The following ABHD8 variants were observed in gnomAD, a reference collection of about 807,000 sequenced individuals.
ABHD8 encodes the protein protein ABHD8.
A neutral mutation model predicts 29.3 loss-of-function variants in ABHD8; 10 were observed. That is an observed-to-expected ratio of 0.34 (90% CI 0.21 to 0.58). The LOEUF (loss-of-function observed/expected upper bound fraction) is 0.58, where lower values mean the gene tolerates loss of function less well. Among genes scored for constraint, ABHD8 ranks in the 20% least tolerant of loss-of-function variants. ABHD8 has a pLI of 0.85. For synonymous variants in ABHD8, 282 were observed against 274.6 expected, an observed-to-expected ratio of 1.03 and a Z score of -0.27; for missense variants, 556 against 615.3, an observed-to-expected ratio of 0.90 and a Z score of 1.02.
rs375423667 is a variant in ABHD8 at position 17,294,703 on chromosome 19, A to G, written c.904T>C (p.Ser302Pro). ...AGGAAGCTCCAGGCCAGGCAGGGCG[A>G]CAAGCAGTGCAGGACGCAGGTGGGC... The part of the protein sequence containing the change: ...NMPTCVLHCL[S>P]PCLAWSFLKA... Residue 302 changes from serine (S) to proline (P), a missense_variant, in exon 3 of 5, where the codon TCG becomes CCG. Coordinates refer to ENST00000247706, the MANE Select transcript of ABHD8 (RefSeq NM_024527.5). The G allele has an allele frequency of 6.2e-7, 1 of 1,613,986 alleles. No homozygotes were observed. The highest frequency in any genetic ancestry group is 8.5e-7 in the Non-Finnish European group (1 of 1,180,032).
In ABHD8 at chr19:17,301,283, C is replaced by T; in HGVS notation, c.334G>A (p.Glu112Lys). ...DLLHGQNGSG[E>K]PPAALEVELA... ...TCCACCTCCAGGGCGGCCGGCGGCT[C>T]CCCAGAGCCATTCTGCCCGTGTAGG... The change falls in exon 2 of 5, where the codon GAG (glutamate) becomes AAG (lysine). Residue 112 changes from glutamate to lysine, a missense_variant. By Grantham distance (56) the Glu-to-Lys change is moderately conservative (BLOSUM62 1). Around this residue, in one of 2 missense-constraint regions of ABHD8, gnomAD observed 286 missense variants for 261.4 expected, o/e 1.09. Coordinates refer to ENST00000247706, the MANE Select transcript of ABHD8 (RefSeq NM_024527.5). 1 of 1,606,244 alleles carries T rather than the reference C, an allele frequency of 6.2e-7. No individual in the cohort carries two copies. Among genetic ancestry groups the T allele is most frequent in the Non-Finnish European group, 8.5e-7 (1 of 1,179,528 alleles).
In ABHD8 at chr19:17,301,325, C is replaced by A; in HGVS notation, c.292G>T (p.Ala98Ser). The change falls in exon 2 of 5, where the codon GCC (alanine) becomes TCC (serine). Residue 98 changes from alanine to serine, a missense_variant. Physicochemically the swap from Ala to Ser is moderately conservative, Grantham distance 99. Coordinates refer to ENST00000247706, the MANE Select transcript of ABHD8 (RefSeq NM_024527.5). Reference protein sequence around the residue: ...GRLLVENLGRAPRADLLHGQN... With the variant: ...GRLLVENLGRSPRADLLHGQN... ...CCGTGTAGGAGGTCGGCTCGAGGGGCTCGGCCCAGGTTTTCCACCAGCAAC... is the reference window on the plus strand; with the variant it reads ...CCGTGTAGGAGGTCGGCTCGAGGGGATCGGCCCAGGTTTTCCACCAGCAAC... 1 of 1,607,908 alleles carries A rather than the reference C, an allele frequency of 6.2e-7. No homozygotes were observed. The highest frequency in any genetic ancestry group is 1.3e-5 in the African/African-American group (1 of 75,052).
chr19:17,294,292 G>A lies in ABHD8; in HGVS notation c.1145C>T (p.Ala382Val). 6.2e-7 allele frequency: 1 copy of A among 1,603,120 alleles called. No individual in the cohort carries two copies. Among genetic ancestry groups the A allele is most frequent in the Non-Finnish European group, 8.5e-7 (1 of 1,179,254 alleles). The change falls in exon 4 of 5, where the codon GCC becomes GTC. Residue 382 changes from alanine to valine, a missense_variant. This residue lies in a region of ABHD8 where 270 missense variants were observed against 353.9 expected (regional missense o/e 0.76). Transcript: ENST00000247706. ...GCCCCAGGTGCCCGCCTCTACCTCG[G>A]CCATGCGCTGGTCTTCCTCCACCGG... ...FVPVEEDQRMAEILLLAFLKL... is the reference protein window; with the variant it reads ...FVPVEEDQRMVEILLLAFLKL...
intron 2 of ABHD8, chr19:17,297,744 C>CTTTTTTTTTTTTTTTTTCT (rs71334702): frequency 7.7e-6 from 1 of 130,260 alleles, no homozygotes; most frequent in African/African-American, 2.8e-5. Flanking sequence ...GTTTTCTTTT[C>CTTTTTTTTTTTTTTTTTCT]TTTTTTTTTT....
At chr19:17,296,670 A>G (rs1029028837) in intron 2 of ABHD8, 6 of 150,466 alleles carry the variant, frequency 4.0e-5, no homozygotes, top group Admixed American at 4.0e-4. Context: ...ACTTTTGGAG[A>G]TTTGAAAAAT....
At chr19:17,293,338 C>G (rs1438764247) in intron 4 of ABHD8, among the ~76,000 whole-genome samples, 1 of 151,978 alleles carries the variant, frequency 6.6e-6, no homozygotes, top group Non-Finnish European at 1.5e-5. Flanking sequence ...CTCAGGCGAT[C>G]TGCCCGCCTC....
Position 17,301,200 on chromosome 19 carries a change from G to A in ABHD8, c.417C>T (p.Gly139=), listed in dbSNP as rs749764203. The change falls in exon 2 of 5, where the codon GGC becomes GGT. Residue 139 remains glycine (G), a synonymous_variant. Coordinates refer to ENST00000247706, the MANE Select transcript of ABHD8 (RefSeq NM_024527.5). ...GCCGCCCACCACTGCCACTGCCGCT[G>A]CCGCTGCCTGCGCTGCCGGGGGCCA... is the stretch of plus-strand genomic sequence containing the variant. ...GRLAPGSAGS[G]SGSGSGGRRR... 2.1e-5 allele frequency: 33 copies of A among 1,602,260 alleles called. No homozygotes were observed. Among genetic ancestry groups the A allele is most frequent in the South Asian group, 3.3e-5 (3 of 90,624 alleles).
Position 17,301,550 on chromosome 19 carries a change from G to GC in ABHD8, c.66dup (p.Pro23AlafsTer139), listed in dbSNP as rs2074118911. On this transcript the variant is annotated frameshift_variant, in exon 2 of 5. Transcript: ENST00000247706. LOFTEE classifies it high-confidence loss of function. ...TCGCTGGACTCGACGCTCTCCAGTGGCCCCACGGCGTTGGGGGGCGTGCCC... is the reference window on the plus strand; with the variant it reads ...TCGCTGGACTCGACGCTCTCCAGTGGCCCCCACGGCGTTGGGGGGCGTGCCC... The GC allele has an allele frequency of 6.2e-7, 1 of 1,607,420 alleles. No homozygotes were observed. Among genetic ancestry groups the GC allele is most frequent in the African/African-American group, 1.3e-5 (1 of 74,958 alleles).
intron 3 of ABHD8, 41 bp from the exon 4 acceptor site, chr19:17,294,545 C>T (rs1423903325): frequency 1.2e-6 from 2 of 1,612,308 alleles, no homozygotes; most frequent in South Asian, 2.2e-5. Context: ...CTTATGCCAG[C>T]CCGACTGCCG....
At chr19:17,300,129 C>G (rs2145658266) in intron 2 of ABHD8, among the ~76,000 whole-genome samples, 1 of 151,708 alleles carries the variant, frequency 6.6e-6, no homozygotes, top group South Asian at 2.1e-4. Context: ...TGGTCTCAAT[C>G]TTCTGACCTC....
chr19:17,301,592 T>C lies in ABHD8; in HGVS notation c.25A>G (p.Ile9Val). ...GGCGTGCCCAGCAGGCAACAGAAGA[T>C]ACCGTCGGTCACCCCGGTCAGCATG... MLTGVTDG[I>V]FCCLLGTPPN... is the part of the protein sequence containing the mutation. Residue 9 changes from isoleucine to valine, a missense_variant, in exon 2 of 5, where the codon ATC becomes GTC. Ile to Val is a conservative substitution (Grantham distance 29). Around this residue, in one of 2 missense-constraint regions of ABHD8, gnomAD observed 286 missense variants for 261.4 expected, o/e 1.09. Transcript: ENST00000247706. The C allele has an allele frequency of 6.4e-7, 1 of 1,569,202 alleles. No homozygotes were observed. Among genetic ancestry groups the C allele is most frequent in the Non-Finnish European group, 8.6e-7 (1 of 1,157,600 alleles).
Position 17,301,367 on chromosome 19 carries a change from C to G in ABHD8, c.250G>C (p.Val84Leu), listed in dbSNP as rs1336758703. ...ACCAGCAACCGCCCATTGCGGTACA[C>G]GGTGATCCGGCGCTGACAGCGGACC... ...GLVRCQRRIT[V>L]YRNGRLLVEN... Residue 84 changes from valine to leucine, a missense_variant, in exon 2 of 5, where the codon GTG becomes CTG. By Grantham distance (32) the Val-to-Leu change is conservative. Coordinates refer to ENST00000247706, the MANE Select transcript of ABHD8 (RefSeq NM_024527.5). 1 of 1,610,798 alleles carries G rather than the reference C, an allele frequency of 6.2e-7. No homozygotes were observed. The highest frequency in any genetic ancestry group is 1.1e-5 in the South Asian group (1 of 91,088).
intron 2 of ABHD8, chr19:17,296,680 T>C (rs770483375): frequency 4.0e-5 from 6 of 151,690 alleles, no homozygotes; most frequent in Non-Finnish European, 8.8e-5. Context: ...ATTTGAAAAA[T>C]GTTTCCTAAA....
chr19:17,292,762 T>G lies in ABHD8; in HGVS notation c.1219A>C (p.Thr407Pro). The G allele has an allele frequency of 6.2e-7, 1 of 1,613,822 alleles. No homozygotes were observed. The highest frequency in any genetic ancestry group is 1.1e-5 in the South Asian group (1 of 90,986). ...SHMVMLECPE[T>P]VNTLLHEFLL... ...AATTCGTGGAGCAGCGTGTTGACCGTCTCAGGGCATTCCAGCATCACCATG... is the reference window on the plus strand; with the variant it reads ...AATTCGTGGAGCAGCGTGTTGACCGGCTCAGGGCATTCCAGCATCACCATG... Residue 407 changes from threonine to proline, a missense_variant, in exon 5 of 5, where the codon ACG becomes CCG. Coordinates refer to ENST00000247706, the MANE Select transcript of ABHD8 (RefSeq NM_024527.5).
chr19:17,293,355 C>T (rs1172986473), intron 4 of ABHD8, among the ~76,000 whole-genome samples: 1 of 151,772 alleles, frequency 6.6e-6, no homozygotes, highest in Non-Finnish European at 1.5e-5. Flanking sequence ...CCTCGGTCTC[C>T]CAAAGTGCTG....
intron 2 of ABHD8, among the ~76,000 whole-genome samples, chr19:17,298,984 T>G (rs375312149): frequency 4.6e-5 from 7 of 152,270 alleles, no homozygotes; most frequent in East Asian, 1.9e-4. Flanking sequence ...TCAAGTGATC[T>G]GCCTGCTTTG....
intron 2 of ABHD8, among the ~76,000 whole-genome samples, chr19:17,295,049 G>A (rs1164483156): frequency 1.3e-5 from 2 of 150,250 alleles, no homozygotes; most frequent in African/African-American, 2.5e-5. Context: ...TCAGTCTCCC[G>A]AGTAGCTGAG....
rs1599521937 is a variant in ABHD8, at chr19:17,294,192, C to T, written c.1149+96G>A. ...ACGCCCCCTCGGGAAGAAAGCACGCCCACCAAGCGCTACCACGCCCCCCGC... is the reference window on the plus strand; with the variant it reads ...ACGCCCCCTCGGGAAGAAAGCACGCTCACCAAGCGCTACCACGCCCCCCGC... On this transcript the variant is annotated intron_variant, in intron 4 of 4. Transcript: ENST00000247706. 2.1e-6 allele frequency: 3 copies of T among 1,425,380 alleles called. No individual in the cohort carries two copies. The East Asian group carries it at 7.4e-5, about 35-fold the overall frequency. 88.3% of individuals were successfully genotyped at this position (1,425,380 alleles called of 1,614,324 possible).
Position 17,301,104 on chromosome 19 carries a change from G to T in ABHD8, c.513C>A (p.Gly171=). 3.1e-6 allele frequency: 5 copies of T among 1,613,294 alleles called. No individual in the cohort carries two copies. The highest frequency in any genetic ancestry group is 2.5e-6 in the Non-Finnish European group (3 of 1,180,020). Residue 171 remains glycine (G), a synonymous_variant, in exon 2 of 5, where the codon GGC becomes GGA. Coordinates refer to ENST00000247706, the MANE Select transcript of ABHD8 (RefSeq NM_024527.5). ...DCEKRITSCK[G]AQADVVLFFI... is the part of the protein sequence containing the mutation. ...AAAAGAGCACCACGTCGGCCTGGGC[G>T]CCTTTGCAGCTAGTGATGCGCTTCT...
Sources: gnomAD v4.1 joint callset for allele counts (sites outside exome capture counted in the v4.1 genomes callset) on GRCh38, gnomAD v4.1.1 for gene constraint, gnomAD v4.1.1 regional missense constraint, MANE v1.5 for transcripts, NCBI Gene and HGNC (gene_info 2026-07-23, HGNC 2026-07-21) for gene names.